SPAG16: variants seen among roughly 807,000 people sequenced by gnomAD.
SPAG16 encodes sperm associated antigen 16.
Under a neutral mutation model 80.4 loss-of-function variants are expected in SPAG16, and 86 were observed. The ratio of observed to expected loss-of-function variants is 1.07; its 90% CI spans 0.90 to 1.28. The LOEUF (loss-of-function observed/expected upper bound fraction) is 1.28, where lower values mean the gene tolerates loss of function less well. Among genes scored for constraint, SPAG16 ranks in the 50% most tolerant of loss-of-function variants. The pLI is 0.00. For synonymous variants in SPAG16, 294 were observed against 265.9 expected, an observed-to-expected ratio of 1.11 and a Z score of -1.03; for missense variants, 870 against 765.3, an observed-to-expected ratio of 1.14 and a Z score of -1.61.
intron 9 of SPAG16, among the ~76,000 whole-genome samples, chr2:213,419,186 A>G (rs2069444593): frequency 6.6e-6 from 1 of 152,106 alleles, no homozygotes; most frequent in African/African-American, 2.4e-5. Context: ...GTGGATATGC[A>G]GATCAAGTGA....
At chr2:213,766,424 T>C (rs755052266) in intron 10 of SPAG16, among the ~76,000 whole-genome samples, 2 of 152,206 alleles carry the variant, frequency 1.3e-5, no homozygotes, top group Non-Finnish European at 2.9e-5. Context: ...TAGTCACAGG[T>C]TGGGAGCTCT....
chr2:213,822,014 A>T (rs978551484), intron 10 of SPAG16, among the ~76,000 whole-genome samples: 1 of 152,134 alleles, frequency 6.6e-6, no homozygotes, highest in Non-Finnish European at 1.5e-5. Context: ...CAAACATGGG[A>T]GTGCAGATAT....
In SPAG16 at chr2:213,838,343, TTGTATTTTTA is replaced by T. The variant is rs1371410997; in HGVS notation, c.1071-24141_1071-24132del. Among the ~76,000 whole-genome samples the T allele has an allele frequency of 5.9e-5, 9 of 152,154 alleles. No individual in the cohort carries two copies. In the South Asian group the frequency reaches 1.5e-3, roughly 25 times the overall value. Reference sequence around the variant, plus strand: ...TGCGCCACCACTCCCAGCTATTTTTTTGTATTTTTAGTAGAGACAGGGTTTCACCATGTTG... The same window carrying T: ...TGCGCCACCACTCCCAGCTATTTTTTGTAGAGACAGGGTTTCACCATGTTG... On this transcript the variant is annotated intron_variant, in intron 10 of 15. Transcript: ENST00000331683.
chr2:213,492,183 C>T (rs2074264793), intron 10 of SPAG16, among the ~76,000 whole-genome samples: 1 of 135,786 alleles, frequency 7.4e-6, no homozygotes, highest in Admixed American at 6.9e-5. Flanking sequence ...ACTACCAGTC[C>T]TTAACTAGAC....
chr2:214,301,459 C>A (rs537394460), intron 15 of SPAG16, among the ~76,000 whole-genome samples: 1 of 152,054 alleles, frequency 6.6e-6, no homozygotes, highest in Non-Finnish European at 1.5e-5. Flanking sequence ...TACTGGAAGT[C>A]CTAACCAAAT....
chr2:214,065,430 T>C (rs1276407929), intron 13 of SPAG16, among the ~76,000 whole-genome samples: 1 of 152,136 alleles, frequency 6.6e-6, no homozygotes, highest in Admixed American at 6.6e-5. Context: ...AATGAAATTA[T>C]GAAAGTTCTC....
chr2:213,369,592 T>C (rs1486507625), intron 8 of SPAG16, among the ~76,000 whole-genome samples: 1 of 152,162 alleles, frequency 6.6e-6, no homozygotes, highest in African/African-American at 2.4e-5. Context: ...AAGAGGATTT[T>C]TTTTTTTGGC....
intron 15 of SPAG16, among the ~76,000 whole-genome samples, chr2:214,171,066 T>C (rs1375671458): frequency 6.6e-6 from 1 of 152,006 alleles, no homozygotes; most frequent in African/African-American, 2.4e-5. Context: ...ATTGTGCCTT[T>C]ACATCCAAGA....
chr2:214,299,436 G>C (rs1559193750), intron 15 of SPAG16, among the ~76,000 whole-genome samples: 1 of 151,624 alleles, frequency 6.6e-6, no homozygotes, highest in Non-Finnish European at 1.5e-5. Context: ...TTTTAGTAGA[G>C]ATGGGGTTTC....
chr2:213,668,172 C>G (rs2063681119), intron 10 of SPAG16, among the ~76,000 whole-genome samples: 2 of 152,070 alleles, frequency 1.3e-5, no homozygotes, highest in Non-Finnish European at 2.9e-5. Context: ...CTCCTGACCT[C>G]AGGTGATCCA....
At chr2:214,321,590 C>T (rs188046998) in intron 15 of SPAG16, among the ~76,000 whole-genome samples, 45 of 152,246 alleles carry the variant, frequency 3.0e-4, no homozygotes, top group Admixed American at 7.2e-4. Flanking sequence ...ACTATATAGT[C>T]AAAAGGGAAT....
chr2:213,432,401 C>T (rs990265042), intron 9 of SPAG16, among the ~76,000 whole-genome samples: 4 of 151,642 alleles, frequency 2.6e-5, no homozygotes, highest in African/African-American at 4.8e-5. Context: ...GAAATGAAAA[C>T]GAAGACATTA....
At chr2:214,163,128 A>T (rs548977844) in intron 15 of SPAG16, among the ~76,000 whole-genome samples, 28 of 152,080 alleles carry the variant, frequency 1.8e-4, no homozygotes, top group African/African-American at 6.5e-4. Context: ...GTCAGTTTTC[A>T]CTGTATGTAT....
chr2:213,402,136 G>A (rs2068342832), intron 9 of SPAG16, among the ~76,000 whole-genome samples: 1 of 151,030 alleles, frequency 6.6e-6, no homozygotes, highest in African/African-American at 2.4e-5. Context: ...ATCTTTTTTT[G>A]CCCAAGTTTC....
chr2:213,895,018 A>ACTG (rs2076940879), intron 11 of SPAG16, among the ~76,000 whole-genome samples: 1 of 129,334 alleles, frequency 7.7e-6, no homozygotes, highest in Admixed American at 8.0e-5. Flanking sequence ...AAAAAAAAAA[A>ACTG]ACTGAAAGAC....
intron 13 of SPAG16, among the ~76,000 whole-genome samples, chr2:214,037,731 C>T (rs2048774444): frequency 1.3e-5 from 2 of 151,964 alleles, no homozygotes; most frequent in Admixed American, 6.6e-5. Context: ...GTTGTCATGC[C>T]TATTTTGTGA....
chr2:213,537,899 T>C (rs1286207515), intron 10 of SPAG16, among the ~76,000 whole-genome samples: 3 of 152,216 alleles, frequency 2.0e-5, no homozygotes, highest in Non-Finnish European at 4.4e-5. Flanking sequence ...TTCTCAAGCT[T>C]ACTCTTATTT....
intron 11 of SPAG16, among the ~76,000 whole-genome samples, chr2:213,864,520 G>T (rs1041055477): frequency 6.6e-6 from 1 of 151,950 alleles, no homozygotes; most frequent in Non-Finnish European, 1.5e-5. Flanking sequence ...GCTTTCTTGG[G>T]AGAGGCCTAG....
chr2:213,971,878 GGT>G (rs2045079032), intron 12 of SPAG16, among the ~76,000 whole-genome samples: 1 of 133,904 alleles, frequency 7.5e-6, no homozygotes, highest in Non-Finnish European at 1.7e-5. Flanking sequence ...CTTGTTTTTT[GGT>G]TTTTTTTTTT....
Sources: allele counts gnomAD v4.1 joint callset (sites outside exome capture counted in the v4.1 genomes callset), GRCh38; gene constraint gnomAD v4.1.1; transcripts MANE v1.5; gene names NCBI Gene and HGNC (gene_info 2026-07-23, HGNC 2026-07-21).